Variants in OSBPL10 observed in about 807,000 individuals in gnomAD.
OSBPL10 encodes oxysterol-binding protein-related protein 10.
OSBPL10 carries 49 observed loss-of-function variants against 81.7 expected under a neutral mutation model. That is an observed-to-expected ratio of 0.60 (90% CI 0.48 to 0.76). OSBPL10 has a LOEUF of 0.76. OSBPL10 is among the 30% of genes least tolerant of loss of function. The pLI, the probability that OSBPL10 is intolerant of heterozygous loss-of-function variation, is 0.00. For missense variants in OSBPL10, 923 were observed against 987.8 expected, an observed-to-expected ratio of 0.93 and a Z score of 0.88; for synonymous variants, 419 against 383.6, an observed-to-expected ratio of 1.09 and a Z score of -1.08.
chr3:31,721,980 A>G (rs368694205), intron 6 of OSBPL10, among the ~76,000 whole-genome samples: 3 of 152,184 alleles, frequency 2.0e-5, no homozygotes, highest in African/African-American at 7.2e-5. Context: ...CAGACTCCAC[A>G]GCTGGGGCTC....
chr3:31,902,651 C>T (rs1314983209), intron 1 of OSBPL10, among the ~76,000 whole-genome samples: 2 of 152,154 alleles, frequency 1.3e-5, no homozygotes, highest in East Asian at 3.9e-4. Context: ...CAAGCTCCAC[C>T]TCCCAGGTTC....
intron 1 of OSBPL10, among the ~76,000 whole-genome samples, chr3:31,936,912 TCTTTCTG>T (rs1459134251): frequency 6.6e-6 from 1 of 152,162 alleles, no homozygotes; most frequent in Non-Finnish European, 1.5e-5. Flanking sequence ...AGTCTTCTTA[TCTTTCTG>T]CTTTCTAGAT....
intron 2 of OSBPL10, chr3:31,989,973 A>G (rs748473754): frequency 5.0e-6 from 8 of 1,614,000 alleles, no homozygotes; most frequent in Admixed American, 3.3e-5. Context: ...TTAATCAACA[A>G]TCAAACCTTG....
chr3:31,935,274 AAG>A (rs1211443345), intron 1 of OSBPL10, among the ~76,000 whole-genome samples: 1 of 152,202 alleles, frequency 6.6e-6, no homozygotes, highest in Non-Finnish European at 1.5e-5. Context: ...TCCATTAGAT[AAG>A]AGAGACCATT....
At chr3:31,853,697 G>C (rs185195010) in intron 3 of OSBPL10, among the ~76,000 whole-genome samples, 1 of 152,260 alleles carries the variant, frequency 6.6e-6, no homozygotes, top group East Asian at 1.9e-4. Context: ...TTCTTGGGCT[G>C]AGACACGTCA....
chr3:32,071,570 T>C (rs1028808222), intron 1 of OSBPL10, among the ~76,000 whole-genome samples: 5 of 152,238 alleles, frequency 3.3e-5, no homozygotes, highest in East Asian at 3.8e-4. Flanking sequence ...TTGACCTTAC[T>C]GTTTTAGGCT....
intron 4 of OSBPL10, among the ~76,000 whole-genome samples, chr3:31,750,076 A>G (rs6785228): frequency 0.57 from 85,847 of 151,420 alleles, 24,465 homozygotes; most frequent in East Asian, 0.78. Context: ...CAGCTACTCA[A>G]GAGGCTGAGG....
In OSBPL10 at chr3:31,792,860, CTGTGTGTGTGTGTGTGTG is replaced by C. The variant is rs6147757; in HGVS notation, c.729+37162_729+37179del. Among the ~76,000 whole-genome samples, 862 of 126,730 alleles carry C rather than the reference CTGTGTGTGTGTGTGTGTG, an allele frequency of 6.8e-3. 6 individuals carry two copies. The highest frequency in any genetic ancestry group is 0.034 in the East Asian group (129 of 3,788). The allele number at this position is 126,730 out of a possible 152,430, so 83.1% of individuals were successfully genotyped here. ...TTGCACTCTCAGCTATCTAGGCACT[CTGTGTGTGTGTGTGTGTG>C]TGTGTGTGTGTGTGTGTGTGTGTGT... is the stretch of plus-strand genomic sequence containing the variant. On this transcript the variant is annotated intron_variant, in intron 4 of 11. Transcript: ENST00000396556.
intron 6 of OSBPL10, among the ~76,000 whole-genome samples, chr3:31,728,672 T>C (rs1480040996): frequency 6.6e-6 from 1 of 152,074 alleles, no homozygotes; most frequent in Non-Finnish European, 1.5e-5. Context: ...ATTCCATATA[T>C]ATATGACATT....
chr3:31,881,362 T>C (rs370746280), intron 1 of OSBPL10, among the ~76,000 whole-genome samples: 2 of 152,318 alleles, frequency 1.3e-5, no homozygotes, highest in East Asian at 3.9e-4. Flanking sequence ...TACAGTGAAC[T>C]GATAGAGGCA....
Position 31,757,741 on chromosome 3 carries a change from T to C in OSBPL10, c.730-9621A>G, listed in dbSNP as rs1010160915. ...AAGCAATCTCTATCAGTTTTTCTCATGTAATTTTTGCTAAAGGAAATAGTG... is the reference window on the plus strand; with the variant it reads ...AAGCAATCTCTATCAGTTTTTCTCACGTAATTTTTGCTAAAGGAAATAGTG... On this transcript the variant is annotated intron_variant, in intron 4 of 11. Coordinates refer to ENST00000396556, the MANE Select transcript of OSBPL10 (RefSeq NM_017784.5). Among the ~76,000 whole-genome samples, 3 of 152,220 alleles carry C rather than the reference T, an allele frequency of 2.0e-5. No homozygotes were observed. The East Asian group carries it at 5.8e-4, about 29-fold the overall frequency.
intron 4 of OSBPL10, among the ~76,000 whole-genome samples, chr3:31,773,677 G>A (rs1698447866): frequency 6.6e-6 from 1 of 152,196 alleles, no homozygotes; most frequent in Admixed American, 6.5e-5. Context: ...CTAAAGGTCT[G>A]ATTCGATTTG....
Position 32,042,676 on chromosome 3 carries a change from C to T in OSBPL10, n.298+3815G>A, listed in dbSNP as rs372727989. ...ACAGCTGGGTCACCGGGGGTGACAT[C>T]ACATATCGGTAGGACCGTGATGCCC... On this transcript the variant is annotated intron_variant and non_coding_transcript_variant, in intron 2 of 3. Transcript: ENST00000479173. Among the ~76,000 whole-genome samples the T allele has an allele frequency of 3.3e-4, 50 of 152,162 alleles. 1 individual carries two copies. In the South Asian group the frequency reaches 5.8e-3, roughly 18 times the overall value.
At chr3:31,764,484 GGAA>G (rs773847723) in intron 4 of OSBPL10, among the ~76,000 whole-genome samples, 1 of 152,154 alleles carries the variant, frequency 6.6e-6, no homozygotes, top group Non-Finnish European at 1.5e-5. Flanking sequence ...GCAAAACAGG[GGAA>G]GAAGAGAAGG....
At chr3:31,675,838 C>T (rs1035372001) in intron 8 of OSBPL10, among the ~76,000 whole-genome samples, 3 of 148,872 alleles carry the variant, frequency 2.0e-5, no homozygotes, top group African/African-American at 7.5e-5. Context: ...CCCAGCTACT[C>T]GGGAGGCTGA....
intron 1 of OSBPL10, among the ~76,000 whole-genome samples, chr3:31,975,289 A>G (rs1698664629): frequency 6.6e-6 from 1 of 152,196 alleles, no homozygotes; most frequent in African/African-American, 2.4e-5. Context: ...ACAGGAAGAT[A>G]TGCAGATATT....
At chr3:31,924,008 G>T (rs147274755) in intron 1 of OSBPL10, among the ~76,000 whole-genome samples, 1 of 152,128 alleles carries the variant, frequency 6.6e-6, no homozygotes, top group East Asian at 1.9e-4. Context: ...CAGAAGGTCG[G>T]GAGTTCAAGA....
At chr3:32,051,119 G>A (rs140010045) in intron 1 of OSBPL10, among the ~76,000 whole-genome samples, 210 of 152,034 alleles carry the variant, frequency 1.4e-3, no homozygotes, top group African/African-American at 4.6e-3. Context: ...TTGACTGAAT[G>A]GTTTGTCTCT....
chr3:32,070,050 T>A (rs964208704), intron 1 of OSBPL10, among the ~76,000 whole-genome samples: 1 of 152,162 alleles, frequency 6.6e-6, no homozygotes, highest in African/African-American at 2.4e-5. Context: ...CCTTCCCAGA[T>A]CTCCTCAGCT....
Sources: allele counts gnomAD v4.1 joint callset (sites outside exome capture counted in the v4.1 genomes callset), GRCh38; gene constraint gnomAD v4.1.1; transcripts MANE v1.5; gene names NCBI Gene and HGNC (gene_info 2026-07-23, HGNC 2026-07-21).